Variants in IL6R observed in about 807,000 individuals in gnomAD.
IL6R encodes the protein interleukin 6 receptor, also known as interleukin-6 receptor subunit alpha.
Under a neutral mutation model 48.3 loss-of-function variants are expected in IL6R, and 38 were observed. The ratio of observed to expected loss-of-function variants is 0.79; its 90% CI spans 0.61 to 1.03. The LOEUF is 1.03. Ranked by LOEUF, IL6R falls within the 50% of genes least tolerant of loss-of-function variation. The pLI is 0.00. For missense variants in IL6R, 534 were observed against 618.3 expected (o/e 0.86, Z 1.45); for synonymous variants, 264 against 256.2 (o/e 1.03, Z -0.29).
chr1:154,407,952 A>G (rs1172861356), intron 1 of IL6R, among the ~76,000 whole-genome samples: 3 of 152,280 alleles, frequency 2.0e-5, no homozygotes, highest in Middle Eastern at 6.8e-3. Flanking sequence ...TCAAAGAGCT[A>G]TCTCAGCTTC....
intron 9 of IL6R, among the ~76,000 whole-genome samples, chr1:154,457,339 A>G (rs988133329): frequency 4.6e-5 from 7 of 151,368 alleles, no homozygotes; most frequent in Non-Finnish European, 8.8e-5. Flanking sequence ...AAAAAAAAAA[A>G]AAAAAGAAAA....
intron 9 of IL6R, among the ~76,000 whole-genome samples, chr1:154,464,043 C>T (rs963324616): frequency 2.6e-5 from 4 of 152,260 alleles, no homozygotes; most frequent in Non-Finnish European, 5.9e-5. Context: ...CCTTTTCCTG[C>T]TATTACATGG....
chr1:154,437,412 C>A, intron 6 of IL6R: 1 of 358,106 alleles, frequency 2.8e-6, no homozygotes, highest in South Asian at 1.9e-5. Context: ...TTTTTTTTAA[C>A]TTAAATTTTT....
Position 154,465,315 on chromosome 1 carries a change from C to A in IL6R, c.1342C>A (p.Pro448Thr). 1 of 1,614,184 alleles carries A rather than the reference C, an allele frequency of 6.2e-7. No homozygotes were observed. Among genetic ancestry groups the A allele is most frequent in the Non-Finnish European group, 8.5e-7 (1 of 1,180,022 alleles). The part of the protein sequence containing the change: ...GSDNTSSHNR[P>T]DARDPRSPYD... ...TGACAATACCTCGAGCCACAACCGACCAGATGCCAGGGACCCACGGAGCCC... is the reference window on the plus strand; with the variant it reads ...TGACAATACCTCGAGCCACAACCGAACAGATGCCAGGGACCCACGGAGCCC... The change falls in exon 10 of 10, where the codon CCA becomes ACA. Residue 448 changes from proline (P) to threonine (T), a missense_variant. Pro to Thr is a conservative substitution (Grantham distance 38). Coordinates refer to ENST00000368485, the MANE Select transcript of IL6R (RefSeq NM_000565.4).
chr1:154,434,694 G>A lies in IL6R; in HGVS notation c.634G>A (p.Gly212Arg). ...FSKTQTFQGC[G>R]ILQPDPPANI... ...CAAAACTCAAACCTTTCAGGGTTGTGGAATCTGTACGTAAGCTCTAACCCC... is the reference window on the plus strand; with the variant it reads ...CAAAACTCAAACCTTTCAGGGTTGTAGAATCTGTACGTAAGCTCTAACCCC... The change falls in exon 4 of 10, where the codon GGA becomes AGA. Residue 212 changes from glycine (G) to arginine (R), a missense_variant. Gly to Arg is a moderately radical substitution (Grantham distance 125). Transcript: ENST00000368485. 1 of 1,613,876 alleles carries A rather than the reference G, an allele frequency of 6.2e-7. No individual in the cohort carries two copies. Among genetic ancestry groups the A allele is most frequent in the Non-Finnish European group, 8.5e-7 (1 of 1,179,854 alleles).
Position 154,405,407 on chromosome 1 carries a change from C to A in IL6R, c.-223C>A. 1.9e-6 allele frequency: 1 copy of A among 522,922 alleles called. No homozygotes were observed. Among genetic ancestry groups the A allele is most frequent in the Non-Finnish European group, 3.3e-6 (1 of 298,894 alleles). The allele number at this position is 522,922 out of a possible 1,614,324, so 32.4% of individuals were successfully genotyped here. On this transcript the variant is annotated 5_prime_UTR_variant, in exon 1 of 10. The change creates a new upstream start codon in the 5' untranslated region. Transcript: ENST00000368485. This position sits in a 1 kb window ranked among gnomAD's most constrained non-coding sequence, Gnocchi z 5.2. Reference sequence around the variant, plus strand: ...AGTCATGTGCGAGTGGGAAGTCGCACTGACACTGAGCCGGGCCAGAGGGAG... The same window carrying A: ...AGTCATGTGCGAGTGGGAAGTCGCAATGACACTGAGCCGGGCCAGAGGGAG...
chr1:154,464,397 C>T (rs1016091491), intron 9 of IL6R, among the ~76,000 whole-genome samples: 7 of 152,116 alleles, frequency 4.6e-5, no homozygotes, highest in South Asian at 2.1e-4. Context: ...TCAGGTGATC[C>T]GCCCGCCTCG....
chr1:154,435,494 G>A (rs918348475), intron 5 of IL6R, among the ~76,000 whole-genome samples: 36 of 138,326 alleles, frequency 2.6e-4, no homozygotes, highest in African/African-American at 1.0e-3. Context: ...GGGCGACAGA[G>A]TTAGACTCCA....
intron 8 of IL6R, among the ~76,000 whole-genome samples, chr1:154,451,207 A>C (rs940549366): frequency 1.3e-5 from 2 of 152,166 alleles, no homozygotes; most frequent in African/African-American, 2.4e-5. Flanking sequence ...GGTGGGATGC[A>C]AGAGGTTGGG....
At chr1:154,448,075 G>A (rs376184444) in intron 6 of IL6R, 50 bp from the exon 7 acceptor site, 140 of 1,460,524 alleles carry the variant, frequency 9.6e-5, no homozygotes, top group Middle Eastern at 3.5e-4. Flanking sequence ...CCTGAGACAG[G>A]ACTCCAGGGC....
At chr1:154,450,670 T>C (rs761876159) in intron 8 of IL6R, among the ~76,000 whole-genome samples, 4 of 152,210 alleles carry the variant, frequency 2.6e-5, no homozygotes, top group Non-Finnish European at 5.9e-5. Context: ...TCCCTATCCC[T>C]GCAAGACCAG....
At chr1:154,407,650 G>A (rs1039948804) in intron 1 of IL6R, among the ~76,000 whole-genome samples, 2 of 152,228 alleles carry the variant, frequency 1.3e-5, no homozygotes, top group African/African-American at 4.8e-5. Flanking sequence ...GAGGAGCAGA[G>A]GGGGAGCAGA....
rs372039120 is a variant in IL6R at position 154,448,150 on chromosome 1, C to T, written c.975C>T (p.Asn325=). ...AATCCAGGAGTCCTCCAGCTGAGAA[C>T]GAGGTGTCCACCCCCATGCAGGTGA... The part of the protein sequence containing the change: ...WTESRSPPAE[N]EVSTPMQALT... The change falls in exon 7 of 10, where the codon AAC becomes AAT. Residue 325 remains asparagine (N), a synonymous_variant. Coordinates refer to ENST00000368485, the MANE Select transcript of IL6R (RefSeq NM_000565.4). 3.0e-5 allele frequency: 49 copies of T among 1,613,804 alleles called. No homozygotes were observed. In the African/African-American group the frequency reaches 4.4e-4, roughly 14 times the overall value.
intron 9 of IL6R, among the ~76,000 whole-genome samples, chr1:154,462,611 T>C (rs1691330266): frequency 6.6e-6 from 1 of 151,722 alleles, no homozygotes; most frequent in African/African-American, 2.4e-5. Flanking sequence ...CTGACCTCGT[T>C]ATCTGCCCGC....
chr1:154,412,257 T>G (rs954064317), intron 1 of IL6R, among the ~76,000 whole-genome samples: 1 of 150,292 alleles, frequency 6.7e-6, no homozygotes, highest in Non-Finnish European at 1.5e-5. Context: ...AGCCTTTTTT[T>G]TTTGTTTTTG....
chr1:154,420,909 TAGTC>T (rs1367944107), intron 1 of IL6R, among the ~76,000 whole-genome samples: 1 of 152,138 alleles, frequency 6.6e-6, no homozygotes, highest in Non-Finnish European at 1.5e-5. Flanking sequence ...ACACAATTAA[TAGTC>T]AGTGATTAAA....
At chr1:154,445,647 G>GCT (rs1231091686) in intron 6 of IL6R, among the ~76,000 whole-genome samples, 1 of 152,042 alleles carries the variant, frequency 6.6e-6, no homozygotes, top group African/African-American at 2.4e-5. Flanking sequence ...CTACTCAGGA[G>GCT]GCTGAGGCAG....
chr1:154,433,194 G>A (rs2149241884), intron 3 of IL6R, among the ~76,000 whole-genome samples: 1 of 152,342 alleles, frequency 6.6e-6, no homozygotes, highest in Middle Eastern at 3.4e-3. Flanking sequence ...GGAAAGGTTG[G>A]GTTTGTCCCA....
chr1:154,430,761 T>A (rs1689252547), intron 3 of IL6R, among the ~76,000 whole-genome samples, 155 bp downstream of exon 3: 1 of 152,208 alleles, frequency 6.6e-6, no homozygotes, highest in Non-Finnish European at 1.5e-5. Context: ...AGATTTACAT[T>A]TGACTGCCCC....
Sources: gnomAD v4.1 joint callset for allele counts (sites outside exome capture counted in the v4.1 genomes callset) on GRCh38, gnomAD v4.1.1 for gene constraint, Gnocchi (gnomAD v3.1) non-coding constraint, MANE v1.5 for transcripts, NCBI Gene and HGNC (gene_info 2026-07-23, HGNC 2026-07-21) for gene names.